Variants in P2RY14 observed in about 807,000 individuals in gnomAD.
P2RY14 encodes the protein P2Y purinoceptor 14.
P2RY14 carries 2 observed loss-of-function variants against 0.9 expected under a neutral mutation model. The observed-to-expected ratio is 2.16, with a 90% CI of 0.88 to 6.79. The LOEUF (loss-of-function observed/expected upper bound fraction) is 6.79, where lower values mean the gene tolerates loss of function less well. Among genes scored for constraint, P2RY14 ranks in the 30% most tolerant of loss-of-function variants. The pLI is 0.05. For missense variants in P2RY14, 378 were observed against 400.1 expected (o/e 0.94, Z 0.47); for synonymous variants, 158 against 147.2 (o/e 1.07, Z -0.53).
intron 1 of P2RY14, chr3:151,269,397 T>TCTCACACACACACACA (rs925857835): frequency 6.9e-6 from 1 of 144,512 alleles, no homozygotes; most frequent in African/African-American, 2.9e-5. Flanking sequence ...TGAAACTCCA[T>TCTCACACACACACACA]CACACACACA....
chr3:151,233,387 G>A (rs1296341369), intron 1 of P2RY14, among the ~76,000 whole-genome samples: 1 of 152,228 alleles, frequency 6.6e-6, no homozygotes, highest in African/African-American at 2.4e-5. Context: ...TCAATGGAAT[G>A]TTTGATACTT....
At chr3:151,269,628 AC>A in intron 1 of P2RY14, 1 of 381,478 alleles carries the variant, frequency 2.6e-6, no homozygotes, top group East Asian at 6.8e-5. Context: ...ACAAAGAGGC[AC>A]TGTATTATTT....
At chr3:151,274,952 A>G (rs1385546813) in intron 1 of P2RY14, among the ~76,000 whole-genome samples, 3 of 152,302 alleles carry the variant, frequency 2.0e-5, no homozygotes, top group East Asian at 3.9e-4. Flanking sequence ...TTCATTCATC[A>G]TCTGTAGCAG....
intron 1 of P2RY14, among the ~76,000 whole-genome samples, chr3:151,244,476 C>G (rs1445463018): frequency 6.8e-6 from 1 of 146,704 alleles, no homozygotes. Context: ...CTCAAAACCA[C>G]TCAACTACAT....
intron 1 of P2RY14, among the ~76,000 whole-genome samples, chr3:151,246,945 A>G (rs1409886649): frequency 6.6e-6 from 1 of 152,214 alleles, no homozygotes; most frequent in Non-Finnish European, 1.5e-5. Flanking sequence ...CAACCCCATC[A>G]AAAAGTGGGC....
intron 1 of P2RY14, among the ~76,000 whole-genome samples, chr3:151,224,602 G>A (rs577983988): frequency 9.2e-5 from 14 of 152,116 alleles, no homozygotes; most frequent in African/African-American, 1.7e-4. Flanking sequence ...ACTCTTGTCC[G>A]TGCCCTCTCT....
intron 1 of P2RY14, among the ~76,000 whole-genome samples, chr3:151,227,306 CTT>C (rs1418132423): frequency 6.6e-6 from 1 of 152,202 alleles, no homozygotes; most frequent in Non-Finnish European, 1.5e-5. Flanking sequence ...TCGGCCCTCT[CTT>C]GATTCCCTCT....
intron 1 of P2RY14, among the ~76,000 whole-genome samples, chr3:151,240,043 T>G (rs1488923478): frequency 1.3e-5 from 2 of 152,164 alleles, no homozygotes; most frequent in Non-Finnish European, 2.9e-5. Flanking sequence ...CCCACCTTTT[T>G]TTTTTTTGTG....
At chr3:151,271,834 TGA>T (rs1741008910) in intron 1 of P2RY14, among the ~76,000 whole-genome samples, 1 of 152,176 alleles carries the variant, frequency 6.6e-6, no homozygotes, top group Admixed American at 6.5e-5. Flanking sequence ...TAAGCTCTAA[TGA>T]GAGAAATTAG....
rs769803482 is a variant in P2RY14 at position 151,214,145 on chromosome 3, T to C, written c.172A>G (p.Ile58Val). ...FYVPSSKSFI[I>V]YLKNIVIADF... ...GCAATAACAATGTTCTTGAGATAGA[T>C]GATGAAACTCTTAGAGCTGGGCACG... The change falls in exon 3 of 3, where the codon ATC (isoleucine) becomes GTC (valine). Residue 58 changes from isoleucine to valine, a missense_variant. By Grantham distance (29) the Ile-to-Val change is conservative (BLOSUM62 3). Coordinates refer to ENST00000309170, the MANE Select transcript of P2RY14 (RefSeq NM_014879.4). The C allele has an allele frequency of 2.9e-5, 46 of 1,613,994 alleles. No individual in the cohort carries two copies. The highest frequency in any genetic ancestry group is 3.7e-5 in the Non-Finnish European group (44 of 1,179,992).
In P2RY14 at chr3:151,214,420, A is replaced by T. The variant is rs765945978; in HGVS notation, c.-24-80T>A. 8.6e-5 allele frequency: 83 copies of T among 970,602 alleles called. 1 individual carries two copies. The highest frequency in any genetic ancestry group is 1.2e-4 in the Non-Finnish European group (77 of 650,496). 60.1% of individuals were successfully genotyped at this position (970,602 alleles called of 1,614,324 possible). On this transcript the variant is annotated intron_variant, in intron 2 of 2. Transcript: ENST00000309170. ...TTGCTGAGTAATAAGGCAAAGGGCA[A>T]TGAATATAGTCAAACCTACCAAATT... is the stretch of plus-strand genomic sequence containing the variant.
intron 1 of P2RY14, among the ~76,000 whole-genome samples, chr3:151,261,213 G>T (rs1345064834): frequency 2.6e-5 from 4 of 151,986 alleles, no homozygotes; most frequent in African/African-American, 9.7e-5. Flanking sequence ...GATTAGAGAG[G>T]TATTTTGCAT....
chr3:151,267,153 A>G (rs11717634), intron 1 of P2RY14, among the ~76,000 whole-genome samples: 30,340 of 151,924 alleles, frequency 0.2, 3,362 homozygotes, highest in South Asian at 0.33. Context: ...TACAGGAACT[A>G]TCAACTAAAC....
chr3:151,255,775 A>G (rs563438157), intron 1 of P2RY14, among the ~76,000 whole-genome samples: 2 of 152,310 alleles, frequency 1.3e-5, no homozygotes, highest in African/African-American at 4.8e-5. Context: ...TTAATGCTAC[A>G]TAACGTGGCA....
rs1234840516 is a variant in P2RY14 at position 151,212,921 on chromosome 3, T to C, written c.*379A>G. ...AACAATTACATACTAGATTCTGGTA[T>C]TTAGAGAAAGAAGATGCCTGAGTGA... On this transcript the variant is annotated 3_prime_UTR_variant, in exon 3 of 3. Coordinates refer to ENST00000309170, the MANE Select transcript of P2RY14 (RefSeq NM_014879.4). The C allele has an allele frequency of 6.5e-6, 1 of 154,440 alleles. No individual in the cohort carries two copies. Among genetic ancestry groups the C allele is most frequent in the Non-Finnish European group, 1.4e-5 (1 of 69,970 alleles). 9.6% of individuals were successfully genotyped at this position (154,440 alleles called of 1,614,324 possible).
chr3:151,212,974 T>TAAA lies in P2RY14; in HGVS notation c.*325_*326insTTT. ...TGTCTTTGATTATGTTGTGTTTTAT[T>TAAA]TACTATTTAAATTTCTACATTAACT... On this transcript the variant is annotated 3_prime_UTR_variant, in exon 3 of 3. Transcript: ENST00000309170. The TAAA allele has an allele frequency of 1.2e-5, 2 of 160,828 alleles. No homozygotes were observed. Among genetic ancestry groups the TAAA allele is most frequent in the Admixed American group, 6.4e-5 (1 of 15,648 alleles). 10.0% of individuals were successfully genotyped at this position (160,828 alleles called of 1,614,324 possible). A position where few individuals can be genotyped will look rare whatever the true frequency, so the allele number is the denominator to read the frequency against.
chr3:151,271,446 C>T (rs1208866582), intron 1 of P2RY14, among the ~76,000 whole-genome samples: 2 of 152,174 alleles, frequency 1.3e-5, no homozygotes, highest in Non-Finnish European at 2.9e-5. Flanking sequence ...TAACGGGTCA[C>T]TTCTTATCAA....
At chr3:151,219,895 C>A (rs906860534) in intron 1 of P2RY14, among the ~76,000 whole-genome samples, 7 of 118,916 alleles carry the variant, frequency 5.9e-5, no homozygotes, top group Admixed American at 3.3e-4. Context: ...TATATTACCC[C>A]CCCCCCCCCC....
intron 1 of P2RY14, among the ~76,000 whole-genome samples, chr3:151,229,185 A>G (rs981212276): frequency 2.0e-5 from 3 of 152,160 alleles, no homozygotes; most frequent in Non-Finnish European, 4.4e-5. Context: ...AGTGATTCCC[A>G]TATACTCTCT....
Sources: gnomAD v4.1 joint callset for allele counts (sites outside exome capture counted in the v4.1 genomes callset) on GRCh38, gnomAD v4.1.1 for gene constraint, MANE v1.5 for transcripts, NCBI Gene and HGNC (gene_info 2026-07-23, HGNC 2026-07-21) for gene names.